Variants in SORL1 observed in about 807,000 individuals in gnomAD.
The protein encoded by SORL1 is sortilin-related receptor.
A neutral mutation model predicts 273.7 loss-of-function variants in SORL1; 127 were observed. The ratio of observed to expected loss-of-function variants is 0.46; its 90% CI spans 0.40 to 0.54. SORL1 has a LOEUF of 0.54. SORL1 is among the 20% of genes least tolerant of loss of function. The pLI is 0.00. For synonymous variants in SORL1, 1,031 were observed against 1,067.4 expected (o/e 0.97, Z 0.66); for missense variants, 2,494 against 2,846.1 (o/e 0.88, Z 2.81).
chr11:121,625,601 A>G (rs1006522371), intron 46 of SORL1, among the ~76,000 whole-genome samples: 2 of 152,184 alleles, frequency 1.3e-5, no homozygotes, highest in Non-Finnish European at 1.5e-5. Flanking sequence ...CACCTCTAAC[A>G]TGCTAATATA....
rs1023952569 is a variant in SORL1, at chr11:121,563,025, T to A, written c.3049+3368T>A. Among the ~76,000 whole-genome samples the A allele has an allele frequency of 6.6e-6, 1 of 152,208 alleles. No homozygotes were observed. The highest frequency in any genetic ancestry group is 2.4e-5 in the African/African-American group (1 of 41,442). On this transcript the variant is annotated intron_variant, in intron 21 of 47. Transcript: ENST00000260197. This position sits in a 1 kb window ranked among gnomAD's most constrained non-coding sequence, Gnocchi z 4.2. ...TGCTGTGTTATAAGTACCACAGTAATGTGCTTTGTGGGCTTGTATAACCTC... is the reference window on the plus strand; with the variant it reads ...TGCTGTGTTATAAGTACCACAGTAAAGTGCTTTGTGGGCTTGTATAACCTC...
intron 2 of SORL1, among the ~76,000 whole-genome samples, chr11:121,471,203 G>A (rs967237654): frequency 3.9e-5 from 6 of 152,220 alleles, no homozygotes; most frequent in Non-Finnish European, 7.3e-5. Context: ...ACCGGGAGAA[G>A]CATGCTTCCG....
intron 6 of SORL1, among the ~76,000 whole-genome samples, chr11:121,502,925 A>G (rs941930944): frequency 6.6e-6 from 1 of 152,070 alleles, no homozygotes; most frequent in African/African-American, 2.4e-5. Flanking sequence ...GCTGGAGTAC[A>G]GCGGAGCGAT....
chr11:121,481,479 C>T (rs1447537064), intron 3 of SORL1, among the ~76,000 whole-genome samples: 1 of 104,528 alleles, frequency 9.6e-6, no homozygotes, highest in African/African-American at 4.3e-5. Flanking sequence ...CCCAGCTCCT[C>T]CCCTAGTGCA....
intron 5 of SORL1, 22 bp from the exon 6 acceptor site, chr11:121,496,846 AC>A (rs1861636534): frequency 6.5e-7 from 1 of 1,538,566 alleles, no homozygotes; most frequent in South Asian, 1.2e-5. Context: ...AATGATAACA[AC>A]CTTTTTTTTT....
At chr11:121,600,550 G>A (rs1317235411) in intron 32 of SORL1, among the ~76,000 whole-genome samples, 1 of 152,120 alleles carries the variant, frequency 6.6e-6, no homozygotes, top group African/African-American at 2.4e-5. Context: ...GAAAAGAAAT[G>A]GGACCTCCCT....
chr11:121,493,153 A>AT (rs1319652147), intron 5 of SORL1, among the ~76,000 whole-genome samples: 3 of 151,848 alleles, frequency 2.0e-5, no homozygotes, highest in East Asian at 1.9e-4. Flanking sequence ...TAATTTTTAC[A>AT]TTTTTTTGTA....
chr11:121,453,656 T>C (rs1277197704), intron 1 of SORL1, among the ~76,000 whole-genome samples: 1 of 152,232 alleles, frequency 6.6e-6, no homozygotes, highest in Non-Finnish European at 1.5e-5. Context: ...AATTTCACTT[T>C]AGCCATTTCT....
chr11:121,551,482 A>G (rs1002578592), intron 16 of SORL1, among the ~76,000 whole-genome samples: 1 of 152,200 alleles, frequency 6.6e-6, no homozygotes, highest in Non-Finnish European at 1.5e-5. Flanking sequence ...AAATTATGAT[A>G]CTTTGAAAAA....
chr11:121,615,464 A>G lies in SORL1; in HGVS notation c.5604+409A>G, dbSNP rs1211513690. Among the ~76,000 whole-genome samples, 3 of 152,246 alleles carry G rather than the reference A, an allele frequency of 2.0e-5. No individual in the cohort carries two copies. The East Asian group carries it at 5.8e-4, about 29-fold the overall frequency. On this transcript the variant is annotated intron_variant, in intron 41 of 47. Coordinates refer to ENST00000260197, the MANE Select transcript of SORL1 (RefSeq NM_003105.6). Reference sequence around the variant, plus strand: ...CCCTATGAACTCCTAATATATTTATAGTTGGTTCCATATAGCATGATATTT... The same window carrying G: ...CCCTATGAACTCCTAATATATTTATGGTTGGTTCCATATAGCATGATATTT...
chr11:121,591,061 G>A lies in SORL1; in HGVS notation c.4274G>A (p.Arg1425His), dbSNP rs142444174. 14 of 1,614,056 alleles carry A rather than the reference G, an allele frequency of 8.7e-6. No individual in the cohort carries two copies. The Middle Eastern group carries it at 4.9e-4, about 57-fold the overall frequency. ...GPSTCLPNYY[R>H]CSSGTCVMDT... ...TCCACGTGTCTGCCCAATTACTACC[G>A]CTGCAGCAGTGGGACCTGCGTGATG... The change falls in exon 31 of 48, where the codon CGC (arginine) becomes CAC (histidine). Residue 1425 changes from arginine to histidine, a missense_variant. Transcript: ENST00000260197.
chr11:121,539,328 T>G (rs1425917619), intron 12 of SORL1, among the ~76,000 whole-genome samples: 1 of 152,226 alleles, frequency 6.6e-6, no homozygotes, highest in Non-Finnish European at 1.5e-5. Context: ...TTGACCTCCT[T>G]TTCGTCTGAG....
In SORL1 at chr11:121,550,150, A is replaced by G. The variant is rs1342161208; in HGVS notation, c.2180+62A>G. On this transcript the variant is annotated intron_variant, in intron 15 of 47. Coordinates refer to ENST00000260197, the MANE Select transcript of SORL1 (RefSeq NM_003105.6). The surrounding 1 kb of genome is among the most constrained non-coding windows in gnomAD (Gnocchi z 5.3). The stretch of plus-strand genomic sequence containing the variant: ...CGGTCCGCACATGGAGCGAGAGAGC[A>G]TAGAGGACCGTCTGGATTGCTCTAC... The G allele has an allele frequency of 1.3e-6, 2 of 1,538,174 alleles. No homozygotes were observed. The highest frequency in any genetic ancestry group is 1.4e-5 in the African/African-American group (1 of 72,480).
intron 3 of SORL1, among the ~76,000 whole-genome samples, chr11:121,485,762 A>G (rs1443819268): frequency 6.6e-6 from 1 of 152,218 alleles, no homozygotes; most frequent in African/African-American, 2.4e-5. Context: ...GAATACTTTT[A>G]TGCCAGAAAT....
At chr11:121,604,827 G>A (rs1863444822) in intron 33 of SORL1, among the ~76,000 whole-genome samples, 1 of 152,158 alleles carries the variant, frequency 6.6e-6, no homozygotes, top group Non-Finnish European at 1.5e-5. Flanking sequence ...CATTTTCTGA[G>A]ATTTCTTTTC....
At chr11:121,564,571 C>T (rs1349945677) in intron 21 of SORL1, among the ~76,000 whole-genome samples, 3 of 150,104 alleles carry the variant, frequency 2.0e-5, no homozygotes, top group Admixed American at 1.3e-4. Flanking sequence ...TTTATTTGTT[C>T]GTTTTGTTTG....
chr11:121,500,561 G>T (rs1388668591), intron 6 of SORL1, among the ~76,000 whole-genome samples: 1 of 152,200 alleles, frequency 6.6e-6, no homozygotes, highest in Non-Finnish European at 1.5e-5. Flanking sequence ...TGGTAGAGTT[G>T]CATAGGTACC....
intron 3 of SORL1, among the ~76,000 whole-genome samples, chr11:121,483,585 C>T (rs2134803996): frequency 1.3e-5 from 2 of 152,286 alleles, no homozygotes; most frequent in South Asian, 4.1e-4. Context: ...TATTAAGTTA[C>T]TGCAAACAGG....
intron 42 of SORL1, 90 bp from the exon 43 acceptor site, chr11:121,619,660 ATTG>A: frequency 9.7e-7 from 1 of 1,031,192 alleles, no homozygotes. Context: ...CTGAATTTTA[ATTG>A]TTGTCATTAT....
Sources: allele counts gnomAD v4.1 joint callset (sites outside exome capture counted in the v4.1 genomes callset), GRCh38; gene constraint gnomAD v4.1.1; non-coding constraint Gnocchi (gnomAD v3.1); transcripts MANE v1.5; gene names NCBI Gene and HGNC (gene_info 2026-07-23, HGNC 2026-07-21).